The following SORCS2 variants were observed in gnomAD, a reference collection of about 807,000 sequenced individuals.
The protein encoded by SORCS2 is VPS10 domain-containing receptor SorCS2.
SORCS2 carries 100 observed loss-of-function variants against 141.6 expected under a neutral mutation model. That is an observed-to-expected ratio of 0.71 (90% CI 0.60 to 0.83). SORCS2 has a LOEUF of 0.83. SORCS2 is among the 40% of genes least tolerant of loss of function. The pLI, the probability that SORCS2 is intolerant of heterozygous loss-of-function variation, is 0.00. For synonymous variants in SORCS2, 789 were observed against 676.9 expected, an observed-to-expected ratio of 1.17 and a Z score of -2.57; for missense variants, 1,646 against 1,560.2, an observed-to-expected ratio of 1.05 and a Z score of -0.93.
intron 2 of SORCS2, among the ~76,000 whole-genome samples, chr4:7,512,959 C>T (rs894760106): frequency 3.3e-5 from 5 of 152,152 alleles, no homozygotes; most frequent in South Asian, 2.1e-4. Flanking sequence ...CCCTCCAGGC[C>T]GCAGGGGAAA....
chr4:7,443,478 T>A (rs897826941), intron 2 of SORCS2, among the ~76,000 whole-genome samples: 1 of 151,614 alleles, frequency 6.6e-6, no homozygotes, highest in African/African-American at 2.4e-5. Flanking sequence ...ACGCAGGGAG[T>A]TTTGGGAGCC....
intron 2 of SORCS2, among the ~76,000 whole-genome samples, chr4:7,493,525 C>T (rs567179003): frequency 2.0e-4 from 31 of 152,286 alleles, no homozygotes; most frequent in African/African-American, 6.3e-4. Flanking sequence ...TGTTGGTGGT[C>T]GTGGTTCAAC....
rs981574710 is a variant in SORCS2 at position 7,741,623 on chromosome 4, G to A, written c.*1359G>A. 1 of 180,772 alleles carries A rather than the reference G, an allele frequency of 5.5e-6. No homozygotes were observed. Among genetic ancestry groups the A allele is most frequent in the East Asian group, 1.2e-4 (1 of 8,294 alleles). The allele number at this position is 180,772 out of a possible 1,614,324, so 11.2% of individuals were successfully genotyped here. A position where few individuals can be genotyped will look rare whatever the true frequency, so the allele number is the denominator to read the frequency against. On this transcript the variant is annotated 3_prime_UTR_variant, in exon 27 of 27. Transcript: ENST00000507866. Reference sequence around the variant, plus strand: ...TGGCTGGGGGTGAATCCCAATGAGGGTCCCTCTCAGAGCGGGAGAACGCCA... The same window carrying A: ...TGGCTGGGGGTGAATCCCAATGAGGATCCCTCTCAGAGCGGGAGAACGCCA...
intron 2 of SORCS2, among the ~76,000 whole-genome samples, chr4:7,501,293 CCTTGGTTG>C (rs1325246505): frequency 6.6e-6 from 1 of 152,170 alleles, no homozygotes; most frequent in African/African-American, 2.4e-5. Flanking sequence ...GTTCTTGGTT[CCTTGGTTG>C]CAATCAATCC....
intron 4 of SORCS2, among the ~76,000 whole-genome samples, chr4:7,652,870 A>C (rs77262345): frequency 0.02 from 3,049 of 152,340 alleles, 102 homozygotes; most frequent in African/African-American, 0.069. Context: ...GGTGCAGTGC[A>C]AAGTGAAAAA....
chr4:7,710,683 C>A (rs1048960574), intron 14 of SORCS2, among the ~76,000 whole-genome samples: 1 of 152,198 alleles, frequency 6.6e-6, no homozygotes, highest in Non-Finnish European at 1.5e-5. Context: ...ATCCCAATCA[C>A]GGGTGCCCTG....
chr4:7,645,181 C>A (rs796274260), intron 4 of SORCS2, among the ~76,000 whole-genome samples: 15 of 152,302 alleles, frequency 9.8e-5, no homozygotes, highest in African/African-American at 3.6e-4. Context: ...CAGTGCCCTC[C>A]TGATATGGTA....
intron 1 of SORCS2, among the ~76,000 whole-genome samples, chr4:7,343,013 G>A (rs532238209): frequency 6.6e-6 from 1 of 152,300 alleles, no homozygotes; most frequent in South Asian, 2.1e-4. Context: ...ACAGGCCTGG[G>A]AAAGGGAGGG....
At chr4:7,479,304 AGCCACATCAGTGTG>A (rs1560318321) in intron 2 of SORCS2, among the ~76,000 whole-genome samples, 2 of 150,792 alleles carry the variant, frequency 1.3e-5, no homozygotes, top group Non-Finnish European at 1.5e-5. Context: ...CCCTGGGCTG[AGCCACATCAGTGTG>A]GCTCACTCTC....
chr4:7,464,683 T>G (rs1729506867), intron 2 of SORCS2, among the ~76,000 whole-genome samples: 1 of 152,182 alleles, frequency 6.6e-6, no homozygotes, highest in Non-Finnish European at 1.5e-5. Flanking sequence ...CAAAAAATGG[T>G]GTACTCTGAC....
At chr4:7,667,851 A>T (rs1271234423) in intron 8 of SORCS2, among the ~76,000 whole-genome samples, 1 of 152,138 alleles carries the variant, frequency 6.6e-6, no homozygotes, top group Non-Finnish European at 1.5e-5. Flanking sequence ...TTCCCACCTA[A>T]CAGAGGAGGT....
chr4:7,443,089 C>T (rs776051560), intron 2 of SORCS2, among the ~76,000 whole-genome samples: 2 of 152,196 alleles, frequency 1.3e-5, no homozygotes, highest in African/African-American at 2.4e-5. Flanking sequence ...ATTTAGGGCC[C>T]ATCTGAATTG....
intron 1 of SORCS2, among the ~76,000 whole-genome samples, chr4:7,298,052 G>A (rs1036781673): frequency 3.3e-5 from 5 of 152,350 alleles, no homozygotes; most frequent in African/African-American, 4.8e-5. Flanking sequence ...CCCCAGGTCC[G>A]TCCTCCCAGA....
At chr4:7,272,879 A>T (rs1268200858) in intron 1 of SORCS2, among the ~76,000 whole-genome samples, 1 of 152,264 alleles carries the variant, frequency 6.6e-6, no homozygotes, top group African/African-American at 2.4e-5. Flanking sequence ...CCCCACCAGC[A>T]CAGGCTCTCC....
In SORCS2 at chr4:7,481,501, C is replaced by T. The variant is rs112424391; in HGVS notation, c.549-50029C>T. The stretch of plus-strand genomic sequence containing the variant: ...GATCTGGACATGTGGAGTCGGCATC[C>T]GGCAGGGATCAAGGGCTCTGGAGAG... On this transcript the variant is annotated intron_variant, in intron 2 of 26. Coordinates refer to ENST00000507866, the MANE Select transcript of SORCS2 (RefSeq NM_020777.3). Among the ~76,000 whole-genome samples the T allele has an allele frequency of 3.9e-4, 59 of 152,238 alleles. No homozygotes were observed. The South Asian group carries it at 4.6e-3, about 12-fold the overall frequency.
intron 1 of SORCS2, among the ~76,000 whole-genome samples, chr4:7,258,395 T>C (rs1426052116): frequency 6.6e-6 from 1 of 152,092 alleles, no homozygotes; most frequent in African/African-American, 2.4e-5. Flanking sequence ...GAACATGCGG[T>C]GTTTGGTTTT....
At chr4:7,309,872 C>G (rs2108918581) in intron 1 of SORCS2, among the ~76,000 whole-genome samples, 1 of 152,316 alleles carries the variant, frequency 6.6e-6, no homozygotes, top group East Asian at 1.9e-4. Context: ...TAGGTGGCAG[C>G]TGGATGTTCT....
Position 7,703,388 on chromosome 4 carries a change from G to T in SORCS2, c.1760+17G>T. On this transcript the variant is annotated intron_variant, in intron 13 of 26. Coordinates refer to ENST00000507866, the MANE Select transcript of SORCS2 (RefSeq NM_020777.3). Reference sequence around the variant, plus strand: ...GATCCTCAAGTAATGGCGTCTGCTAGCCCCGGGGCAGGGAGGGCAGGCTGG... The same window carrying T: ...GATCCTCAAGTAATGGCGTCTGCTATCCCCGGGGCAGGGAGGGCAGGCTGG... 1 of 1,606,992 alleles carries T rather than the reference G, an allele frequency of 6.2e-7. No homozygotes were observed.
At chr4:7,623,933 C>CAGGG (rs1719365423) in intron 3 of SORCS2, among the ~76,000 whole-genome samples, 2 of 152,182 alleles carry the variant, frequency 1.3e-5, no homozygotes, top group African/African-American at 4.8e-5. Context: ...CAGCAGCTGT[C>CAGGG]AGGGCTCTAC....
Sources: allele counts gnomAD v4.1 joint callset (sites outside exome capture counted in the v4.1 genomes callset), GRCh38; gene constraint gnomAD v4.1.1; transcripts MANE v1.5; gene names NCBI Gene and HGNC (gene_info 2026-07-23, HGNC 2026-07-21).